The following NPL variants were observed in gnomAD, a reference collection of about 807,000 sequenced individuals.
The protein encoded by NPL is N-acetylneuraminate pyruvate lyase.
In NPL, 32 loss-of-function variants were observed where a neutral mutation model predicts 41.1. The ratio of observed to expected loss-of-function variants is 0.78; its 90% CI spans 0.59 to 1.05. NPL has a LOEUF of 1.05. NPL is among the 50% of genes least tolerant of loss of function. NPL has a pLI of 0.00. For synonymous variants in NPL, 128 were observed against 134.9 expected, an observed-to-expected ratio of 0.95 and a Z score of 0.35; for missense variants, 321 against 378.4, an observed-to-expected ratio of 0.85 and a Z score of 1.26.
In NPL at chr1:182,814,825, A is replaced by T. The variant is rs1403858096; in HGVS notation, c.331A>T (p.Ile111Phe). 1.2e-6 allele frequency: 2 copies of T among 1,614,078 alleles called. No individual in the cohort carries two copies. Among genetic ancestry groups the T allele is most frequent in the South Asian group, 2.2e-5 (2 of 91,084 alleles). Reference protein sequence around the residue: ...AEIGADGIAVIAPFFLKPWTK... With the variant: ...AEIGADGIAVFAPFFLKPWTK... ...AATAGGAGCTGATGGCATCGCTGTC[A>T]TTGCACCGTTCTTCCTCAAGCCATG... Residue 111 changes from isoleucine (I) to phenylalanine (F), a missense_variant, in exon 7 of 13, where the codon ATT becomes TTT. Physicochemically the swap from Ile to Phe is conservative, Grantham distance 21. Transcript: ENST00000367553.
At chr1:182,814,759 A>G (rs1313740358) in intron 6 of NPL, 24 bp from the exon 7 acceptor site, 5 of 1,600,470 alleles carry the variant, frequency 3.1e-6, no homozygotes, top group Non-Finnish European at 4.3e-6. Flanking sequence ...TTGCTCCAAT[A>G]TGGTCTTCTT....
At chr1:182,823,106 G>A (rs1667534533) in intron 11 of NPL, among the ~76,000 whole-genome samples, 1 of 152,234 alleles carries the variant, frequency 6.6e-6, no homozygotes, top group Admixed American at 6.5e-5. Context: ...GGATATGAGA[G>A]CAAGACTTTT....
chr1:182,802,123 C>T (rs759068278), intron 3 of NPL, among the ~76,000 whole-genome samples: 1 of 152,254 alleles, frequency 6.6e-6, no homozygotes, highest in Non-Finnish European at 1.5e-5. Context: ...TAAGTTCCCA[C>T]ATCACCACTC....
intron 11 of NPL, among the ~76,000 whole-genome samples, chr1:182,825,564 C>T (rs1008199534): frequency 7.9e-5 from 12 of 152,138 alleles, no homozygotes; most frequent in Non-Finnish European, 7.4e-5. Flanking sequence ...CTTTTCTGCA[C>T]GGGCCCATTT....
intron 3 of NPL, among the ~76,000 whole-genome samples, chr1:182,800,453 A>C (rs1666809346): frequency 2.0e-5 from 3 of 151,252 alleles, no homozygotes; most frequent in Admixed American, 1.3e-4. Context: ...AAAAAAAAAA[A>C]AAAAAAACGG....
chr1:182,822,049 G>T (rs1401226826), intron 10 of NPL, 66 bp from the exon 11 acceptor site: 9 of 1,036,778 alleles, frequency 8.7e-6, no homozygotes, highest in Non-Finnish European at 1.1e-5. Flanking sequence ...ACAGCAGAGG[G>T]ATTTGAAGAT....
chr1:182,829,893 T>A lies in NPL; in HGVS notation c.*985T>A. The A allele has an allele frequency of 2.3e-6, 1 of 441,056 alleles. No individual in the cohort carries two copies. Among genetic ancestry groups the A allele is most frequent in the Non-Finnish European group, 4.1e-6 (1 of 244,512 alleles). The allele number at this position is 441,056 out of a possible 1,614,324, so 27.3% of individuals were successfully genotyped here. On this transcript the variant is annotated 3_prime_UTR_variant, in exon 13 of 13. Coordinates refer to ENST00000367553, the MANE Select transcript of NPL (RefSeq NM_030769.3). ...TCTTTCTGTGTAATGTATCAACAAC[T>A]GTTTAATCTCCCTTCTAACAAACCT... is the stretch of plus-strand genomic sequence containing the variant.
chr1:182,801,323 C>T (rs1249236490), intron 3 of NPL, among the ~76,000 whole-genome samples: 1 of 152,128 alleles, frequency 6.6e-6, no homozygotes, highest in African/African-American at 2.4e-5. Context: ...CCCATTAGAC[C>T]TCTAACCCTG....
At chr1:182,791,484 C>A (rs1389300501) in intron 1 of NPL, among the ~76,000 whole-genome samples, 2 of 152,156 alleles carry the variant, frequency 1.3e-5, no homozygotes, top group Non-Finnish European at 2.9e-5. Context: ...AGGACAAAGA[C>A]AAGACCAGAA....
chr1:182,795,440 C>T (rs1347934050), intron 3 of NPL, among the ~76,000 whole-genome samples: 1 of 152,154 alleles, frequency 6.6e-6, no homozygotes, highest in East Asian at 1.9e-4. Flanking sequence ...ATTTAGTACA[C>T]CTTTTACAAG....
At chr1:182,805,913 T>C (rs749537604) in intron 4 of NPL, among the ~76,000 whole-genome samples, 4 of 152,230 alleles carry the variant, frequency 2.6e-5, no homozygotes, top group Non-Finnish European at 2.9e-5. Context: ...ATTTCCTGAC[T>C]GTCCCTAATA....
In NPL at chr1:182,829,466, CT is replaced by C; in HGVS notation, c.*562del. The C allele has an allele frequency of 6.9e-7, 1 of 1,452,348 alleles. No homozygotes were observed. The highest frequency in any genetic ancestry group is 1.5e-5 in the South Asian group (1 of 66,986). The allele number at this position is 1,452,348 out of a possible 1,614,324, so 90.0% of individuals were successfully genotyped here. A position where few individuals can be genotyped will look rare whatever the true frequency, so the allele number is the denominator to read the frequency against. ...TTTTGAATTCATTTCGATGTCACCACTTTTCGCTCTTTAAAAACACTGGGTC... is the reference window on the plus strand; with the variant it reads ...TTTTGAATTCATTTCGATGTCACCACTTTCGCTCTTTAAAAACACTGGGTC... On this transcript the variant is annotated 3_prime_UTR_variant, in exon 13 of 13. Coordinates refer to ENST00000367553, the MANE Select transcript of NPL (RefSeq NM_030769.3).
chr1:182,794,424 C>G lies in NPL; in HGVS notation c.53C>G (p.Pro18Arg). The G allele has an allele frequency of 6.2e-7, 1 of 1,614,190 alleles. No individual in the cohort carries two copies. The highest frequency in any genetic ancestry group is 8.5e-7 in the Non-Finnish European group (1 of 1,180,014). Reference sequence around the variant, plus strand: ...GGTCTTGTGGCTGCAACCATCACGCCAATGACTGAGAATGGGTAACTATCA... The same window carrying G: ...GGTCTTGTGGCTGCAACCATCACGCGAATGACTGAGAATGGGTAACTATCA... ...LQGLVAATIT[P>R]MTENGEINFS... The change falls in exon 3 of 13, where the codon CCA (proline) becomes CGA (arginine). Residue 18 changes from proline (P) to arginine (R), a missense_variant. Coordinates refer to ENST00000367553, the MANE Select transcript of NPL (RefSeq NM_030769.3).
chr1:182,795,996 T>G (rs1666653143), intron 3 of NPL, among the ~76,000 whole-genome samples: 1 of 152,076 alleles, frequency 6.6e-6, no homozygotes, highest in Admixed American at 6.6e-5. Flanking sequence ...TCCTCCCTGT[T>G]TTGCCGTTTT....
chr1:182,813,781 T>A (rs1167871363), intron 6 of NPL, among the ~76,000 whole-genome samples: 1 of 152,220 alleles, frequency 6.6e-6, no homozygotes, highest in Non-Finnish European at 1.5e-5. Context: ...GAATGGACAC[T>A]GCCATCAACT....
At chr1:182,799,751 A>G (rs1666780165) in intron 3 of NPL, among the ~76,000 whole-genome samples, 1 of 150,572 alleles carries the variant, frequency 6.6e-6, no homozygotes, top group Non-Finnish European at 1.5e-5. Context: ...AAAAAAAAAA[A>G]AAGCCCCAAG....
At chr1:182,806,823 C>A (rs568655103) in intron 5 of NPL, among the ~76,000 whole-genome samples, 26 of 152,170 alleles carry the variant, frequency 1.7e-4, no homozygotes, top group African/African-American at 6.0e-4. Context: ...TCCAGTTTAA[C>A]TAAGTTTGTT....
chr1:182,823,120 G>A (rs906301621), intron 11 of NPL, among the ~76,000 whole-genome samples: 1 of 152,200 alleles, frequency 6.6e-6, no homozygotes, highest in African/African-American at 2.4e-5. Context: ...GACTTTTGGG[G>A]TCTGAGAGGC....
rs145637337 is a variant in NPL, at chr1:182,812,331, T to C, written c.288+118T>C. 9.9e-6 allele frequency: 9 copies of C among 908,930 alleles called. No homozygotes were observed. In the East Asian group the frequency reaches 2.4e-4, roughly 24 times the overall value. 56.3% of individuals were successfully genotyped at this position (908,930 alleles called of 1,614,324 possible). A position where few individuals can be genotyped will look rare whatever the true frequency, so the allele number is the denominator to read the frequency against. ...ATGGTGTGCCTGAAGAAATAAGGTG[T>C]GGGATCTCAGGGGCTTACTGCATAG... On this transcript the variant is annotated intron_variant, in intron 6 of 12. Transcript: ENST00000367553.
Sources: allele counts gnomAD v4.1 joint callset (sites outside exome capture counted in the v4.1 genomes callset), GRCh38; gene constraint gnomAD v4.1.1; transcripts MANE v1.5; gene names NCBI Gene and HGNC (gene_info 2026-07-23, HGNC 2026-07-21).